Variants in DLG2 observed in about 807,000 individuals in gnomAD.
The protein encoded by DLG2 is discs large MAGUK scaffold protein 2, also known as disks large homolog 2.
DLG2 carries 45 observed loss-of-function variants against 132.5 expected under a neutral mutation model. The ratio of observed to expected loss-of-function variants is 0.34; its 90% CI spans 0.27 to 0.44. DLG2 has a LOEUF of 0.44. DLG2 is among the 20% of genes least tolerant of loss of function. The probability of loss-of-function intolerance (pLI) is 1.00; values close to 1 mark genes in which losing one functional copy is unlikely to be tolerated. For missense variants in DLG2, 1,045 were observed against 1,196.9 expected (o/e 0.87, Z 1.87); for synonymous variants, 424 against 419.6 (o/e 1.01, Z -0.13).
chr11:85,326,483 A>C (rs1230718340), intron 3 of DLG2, among the ~76,000 whole-genome samples: 1 of 111,094 alleles, frequency 9.0e-6, no homozygotes, highest in Non-Finnish European at 1.8e-5. Context: ...TTCTTAAAGA[A>C]AAGAATTTTC....
intron 7 of DLG2, among the ~76,000 whole-genome samples, chr11:84,472,332 T>G (rs1202895560): frequency 6.6e-6 from 1 of 151,926 alleles, no homozygotes; most frequent in African/African-American, 2.4e-5. Flanking sequence ...CAAGTTCACA[T>G]GAATCTTTAG....
intron 18 of DLG2, among the ~76,000 whole-genome samples, chr11:83,665,248 C>G (rs1413083939): frequency 3.3e-5 from 5 of 152,048 alleles, no homozygotes; most frequent in Non-Finnish European, 2.9e-5. Flanking sequence ...ATAGAAGAGG[C>G]TGGTAGAGTT....
intron 4 of DLG2, among the ~76,000 whole-genome samples, chr11:85,243,983 C>T (rs1388621321): frequency 6.6e-6 from 1 of 151,866 alleles, no homozygotes; most frequent in Non-Finnish European, 1.5e-5. Context: ...CTTAGAGTTG[C>T]TATGAAGTTT....
chr11:84,087,843 AGTCT>A (rs2097016509), intron 10 of DLG2, among the ~76,000 whole-genome samples: 2 of 152,224 alleles, frequency 1.3e-5, no homozygotes, highest in African/African-American at 4.8e-5. Flanking sequence ...TATCTCAGTG[AGTCT>A]GATTTTGGAC....
At chr11:85,615,359 A>G (rs981636722) in intron 2 of DLG2, among the ~76,000 whole-genome samples, 2 of 152,074 alleles carry the variant, frequency 1.3e-5, no homozygotes, top group African/African-American at 4.8e-5. Flanking sequence ...CTCTACTAAA[A>G]ATACAAAAAT....
At chr11:84,924,990 C>A (rs1243035666) in intron 6 of DLG2, among the ~76,000 whole-genome samples, 3 of 152,122 alleles carry the variant, frequency 2.0e-5, no homozygotes, top group Non-Finnish European at 4.4e-5. Context: ...TGCAGCTCTT[C>A]CTAATAAATG....
At chr11:84,170,704 A>C (rs1472787649) in intron 8 of DLG2, among the ~76,000 whole-genome samples, 6 of 152,182 alleles carry the variant, frequency 3.9e-5, no homozygotes, top group Non-Finnish European at 1.5e-5. Context: ...CACTGACCTT[A>C]AGAGTCTGAT....
chr11:85,335,190 A>T (rs1007376516), intron 3 of DLG2, among the ~76,000 whole-genome samples: 4 of 150,794 alleles, frequency 2.7e-5, no homozygotes, highest in African/African-American at 9.7e-5. Context: ...TCTTTGATCA[A>T]TATTAAAGTC....
chr11:83,497,540 C>A (rs1835763), intron 21 of DLG2, among the ~76,000 whole-genome samples: 10,075 of 83,310 alleles, frequency 0.12, 442 homozygotes, highest in Middle Eastern at 0.24. Context: ...GTCTCAAAAA[C>A]AAAAAACAAA....
chr11:85,007,817 C>T (rs1291474798), intron 6 of DLG2, among the ~76,000 whole-genome samples: 1 of 151,818 alleles, frequency 6.6e-6, no homozygotes, highest in Non-Finnish European at 1.5e-5. Flanking sequence ...ATTGTTAGAC[C>T]ACCCTCTTTT....
intron 6 of DLG2, among the ~76,000 whole-genome samples, chr11:84,773,136 A>G (rs2069720410): frequency 6.6e-6 from 1 of 152,208 alleles, no homozygotes; most frequent in Non-Finnish European, 1.5e-5. Context: ...AGCTCTCCAG[A>G]AACCATTATG....
intron 3 of DLG2, among the ~76,000 whole-genome samples, chr11:85,461,964 C>A (rs993409915): frequency 6.6e-6 from 1 of 152,084 alleles, no homozygotes; most frequent in African/African-American, 2.4e-5. Flanking sequence ...AAGAAAAAAA[C>A]ACAACCCCAC....
chr11:84,284,714 C>G (rs2154372223), intron 7 of DLG2, among the ~76,000 whole-genome samples: 1 of 152,284 alleles, frequency 6.6e-6, no homozygotes, highest in Non-Finnish European at 1.5e-5. Context: ...ATCTAGAGCC[C>G]TCAGCCATTC....
chr11:84,466,578 T>C (rs2099094999), intron 7 of DLG2, among the ~76,000 whole-genome samples: 1 of 151,322 alleles, frequency 6.6e-6, no homozygotes, highest in Non-Finnish European at 1.5e-5. Flanking sequence ...AAAATTCCAC[T>C]GAGATACTCT....
chr11:85,471,097 A>T (rs1364240428), intron 3 of DLG2, among the ~76,000 whole-genome samples: 6 of 152,158 alleles, frequency 3.9e-5, no homozygotes, highest in Non-Finnish European at 7.4e-5. Flanking sequence ...TCCTATATAA[A>T]CTGCCCGAAT....
At chr11:84,307,780 C>T (rs1248935966) in intron 7 of DLG2, among the ~76,000 whole-genome samples, 1 of 149,966 alleles carries the variant, frequency 6.7e-6, no homozygotes, top group East Asian at 2.0e-4. Context: ...GAGTTTGTTC[C>T]TTCTGATGTT....
intron 15 of DLG2, among the ~76,000 whole-genome samples, chr11:83,903,156 T>G (rs2154100884): frequency 6.6e-6 from 1 of 152,158 alleles, no homozygotes; most frequent in South Asian, 2.1e-4. Flanking sequence ...TTCATTTATC[T>G]TTTCAATGAG....
At chr11:85,210,646 A>T (rs965169575) in intron 4 of DLG2, among the ~76,000 whole-genome samples, 3 of 151,974 alleles carry the variant, frequency 2.0e-5, no homozygotes, top group African/African-American at 7.3e-5. Context: ...AACTGTCTGT[A>T]TTCACCTCTG....
intron 18 of DLG2, among the ~76,000 whole-genome samples, chr11:83,708,771 G>C (rs1159420788): frequency 1.3e-5 from 2 of 151,690 alleles, no homozygotes; most frequent in Non-Finnish European, 2.9e-5. Flanking sequence ...TTTTTTAATG[G>C]GATATGGAAC....
Sources: gnomAD v4.1 joint callset for allele counts (sites outside exome capture counted in the v4.1 genomes callset) on GRCh38, gnomAD v4.1.1 for gene constraint, MANE v1.5 for transcripts, NCBI Gene and HGNC (gene_info 2026-07-23, HGNC 2026-07-21) for gene names.